The following STAG1 variants were observed in gnomAD, a reference collection of about 807,000 sequenced individuals.
STAG1 encodes the protein STAG1 cohesin complex component, also known as cohesin subunit SA-1.
Under a neutral mutation model 170.9 loss-of-function variants are expected in STAG1, and 26 were observed. The ratio of observed to expected loss-of-function variants is 0.15; its 90% confidence interval spans 0.11 to 0.21. STAG1 has a LOEUF of 0.21. Among genes scored for constraint, STAG1 ranks in the 10% least tolerant of loss-of-function variants. STAG1 has a pLI of 1.00. For missense variants in STAG1, 964 were observed against 1,509.5 expected (o/e 0.64, Z 5.99); for synonymous variants, 514 against 497.7 (o/e 1.03, Z -0.44).
chr3:136,613,380 T>C (rs1236729818), intron 3 of STAG1, among the ~76,000 whole-genome samples: 1 of 146,176 alleles, frequency 6.8e-6, no homozygotes, highest in African/African-American at 2.5e-5. Flanking sequence ...AGGAAACTGA[T>C]ATTGTCAGAT....
intron 5 of STAG1, among the ~76,000 whole-genome samples, chr3:136,563,121 C>T (rs1233375266): frequency 1.3e-5 from 2 of 152,142 alleles, no homozygotes; most frequent in Non-Finnish European, 2.9e-5. Context: ...TGTTAAGGTG[C>T]TATCTATCAA....
chr3:136,476,598 A>C (rs1443024763), intron 10 of STAG1, among the ~76,000 whole-genome samples: 1 of 152,220 alleles, frequency 6.6e-6, no homozygotes, highest in Non-Finnish European at 1.5e-5. Flanking sequence ...TAACAATTAA[A>C]TAAGGTAGTA....
At position 136,540,053 on chromosome 3, in the gene STAG1, T is replaced by TATTTTTGTATTTTATACAAAATATTAG. The variant is rs745464775; in HGVS notation, c.471+2065_471+2066insCTAATATTTTGTATAAAATACAAAAAT. ...TCTTTTAGAATATTATAAAATACAA[T>TATTTTTGTATTTTATACAAAATATTAG]TTAATAAAGCTAACCTCCTCAACTC... On this transcript the variant is annotated intron_variant, in intron 6 of 33. Coordinates refer to ENST00000383202, the MANE Select transcript of STAG1 (RefSeq NM_005862.3). Among the ~76,000 whole-genome samples, 171 of 152,248 alleles carry TATTTTTGTATTTTATACAAAATATTAG rather than the reference T, an allele frequency of 1.1e-3. 1 individual carries two copies. The highest frequency in any genetic ancestry group is 2.3e-3 in the Non-Finnish European group (155 of 67,996).
intron 7 of STAG1, among the ~76,000 whole-genome samples, chr3:136,516,851 A>G (rs1462147246): frequency 6.6e-6 from 1 of 152,236 alleles, no homozygotes; most frequent in Non-Finnish European, 1.5e-5. Context: ...GGACTTGTCC[A>G]AGGTTATCCA....
At chr3:136,456,904 T>G (rs887290267) in intron 13 of STAG1, among the ~76,000 whole-genome samples, 11 of 152,178 alleles carry the variant, frequency 7.2e-5, no homozygotes, top group African/African-American at 2.4e-4. Context: ...ATACTGTACC[T>G]AACAATATCC....
Position 136,421,167 on chromosome 3 carries a change from TAA to T in STAG1, c.2038-6_2038-5del, listed in dbSNP as rs748993808. The T allele has an allele frequency of 6.3e-7, 1 of 1,597,482 alleles. No individual in the cohort carries two copies. The highest frequency in any genetic ancestry group is 1.1e-5 in the South Asian group (1 of 88,842). On this transcript the variant is annotated splice_region_variant and splice_polypyrimidine_tract_variant and intron_variant, in intron 19 of 33. Transcript: ENST00000383202. ...CATCATCATCAGCTTCTTCTCCCTA[TAA>T]AAAAAGGAAACATCACATCATTACA...
At chr3:136,441,748 G>C (rs6791611) in intron 15 of STAG1, among the ~76,000 whole-genome samples, 59,110 of 151,954 alleles carry the variant, frequency 0.39, 13,646 homozygotes, top group East Asian at 0.8. Flanking sequence ...ACAGGAAGCA[G>C]AAAAGGGACT....
At chr3:136,371,885 CT>C (rs745565645) in intron 23 of STAG1, among the ~76,000 whole-genome samples, 15 of 152,190 alleles carry the variant, frequency 9.9e-5, no homozygotes, top group Non-Finnish European at 2.2e-4. Flanking sequence ...TTTTCCAATT[CT>C]GTGAAGAAAG....
At chr3:136,682,181 C>G (rs1344371589) in intron 1 of STAG1, among the ~76,000 whole-genome samples, 1 of 151,964 alleles carries the variant, frequency 6.6e-6, no homozygotes, top group Non-Finnish European at 1.5e-5. Context: ...GCCTGTAATA[C>G]CAGCACTTTG....
intron 1 of STAG1, among the ~76,000 whole-genome samples, chr3:136,741,586 A>G (rs1175153217): frequency 6.6e-6 from 1 of 152,126 alleles, no homozygotes; most frequent in Non-Finnish European, 1.5e-5. Flanking sequence ...CTCCTGCCTC[A>G]GCCTTTTAAG....
intron 25 of STAG1, among the ~76,000 whole-genome samples, chr3:136,365,079 A>C (rs1412548614): frequency 6.6e-6 from 1 of 152,206 alleles, no homozygotes; most frequent in Non-Finnish European, 1.5e-5. Flanking sequence ...ATACTCACAA[A>C]AAGGTTAGAG....
At chr3:136,469,225 T>C (rs1359255352) in intron 12 of STAG1, among the ~76,000 whole-genome samples, 1 of 151,906 alleles carries the variant, frequency 6.6e-6, no homozygotes, top group Non-Finnish European at 1.5e-5. Context: ...GATTGTATAT[T>C]TAGAAAACCC....
chr3:136,705,030 A>C (rs897879226), intron 1 of STAG1, among the ~76,000 whole-genome samples: 1 of 152,006 alleles, frequency 6.6e-6, no homozygotes, highest in Non-Finnish European at 1.5e-5. Flanking sequence ...ACAATAATAA[A>C]ACTTCACTTT....
intron 22 of STAG1, among the ~76,000 whole-genome samples, chr3:136,381,702 A>G (rs1937981151): frequency 1.3e-5 from 2 of 152,234 alleles, no homozygotes; most frequent in African/African-American, 4.8e-5. Context: ...TTTAATAGAA[A>G]AGATGTGAGA....
At chr3:136,476,441 C>T (rs1477131576) in intron 10 of STAG1, among the ~76,000 whole-genome samples, 1 of 152,162 alleles carries the variant, frequency 6.6e-6, no homozygotes, top group East Asian at 1.9e-4. Flanking sequence ...ATTTATGGAA[C>T]TTGCTCAATG....
At chr3:136,560,319 C>CA (rs1230408073) in intron 5 of STAG1, among the ~76,000 whole-genome samples, 1 of 152,122 alleles carries the variant, frequency 6.6e-6, no homozygotes, top group African/African-American at 2.4e-5. Context: ...AACTACTTAT[C>CA]AAAAACCATA....
At position 136,433,566 on chromosome 3, in the gene STAG1, G is replaced by A. The variant is rs765026473; in HGVS notation, c.1640C>T (p.Thr547Ile). The change falls in exon 16 of 34, where the codon ACC becomes ATC. Residue 547 changes from threonine (T) to isoleucine (I), a missense_variant. By Grantham distance (89) the Thr-to-Ile change is moderately conservative. Around this residue, in one of 11 missense-constraint regions of STAG1, gnomAD observed 232 missense variants for 313.0 expected, o/e 0.74. Transcript: ENST00000383202. The stretch of plus-strand genomic sequence containing the variant: ...ACTAATGTAACTTACTCTCTTGCCG[G>A]TACCCCTTCCCACTGGAGGATGTGC... ...AEAHPPVGRG[T>I]GKRVLTAKER... 1.3e-6 allele frequency: 2 copies of A among 1,599,520 alleles called. No individual in the cohort carries two copies. The highest frequency in any genetic ancestry group is 2.3e-5 in the South Asian group (2 of 88,856).
At chr3:136,473,419 G>A in intron 11 of STAG1, 120 bp downstream of exon 11, 1 of 705,094 alleles carries the variant, frequency 1.4e-6, no homozygotes, top group Non-Finnish European at 2.2e-6. Context: ...AAAAGGTTGG[G>A]GACTGCTGTA....
At chr3:136,490,633 C>T (rs933731309) in intron 9 of STAG1, among the ~76,000 whole-genome samples, 2 of 151,936 alleles carry the variant, frequency 1.3e-5, no homozygotes, top group Non-Finnish European at 2.9e-5. Context: ...CAACCTGACC[C>T]CCACATTAGA....
Sources: gnomAD v4.1 joint callset for allele counts (sites outside exome capture counted in the v4.1 genomes callset) on GRCh38, gnomAD v4.1.1 for gene constraint, gnomAD v4.1.1 regional missense constraint, MANE v1.5 for transcripts, NCBI Gene and HGNC (gene_info 2026-07-23, HGNC 2026-07-21) for gene names.